Variants in CTNNA3 observed in about 807,000 individuals in gnomAD.
The protein encoded by CTNNA3 is catenin alpha-3.
A neutral mutation model predicts 95.7 loss-of-function variants in CTNNA3; 76 were observed. That is an observed-to-expected ratio of 0.79 (90% confidence interval 0.66 to 0.96). The LOEUF (loss-of-function observed/expected upper bound fraction) is 0.96. Among genes scored for constraint, CTNNA3 ranks in the 40% least tolerant of loss-of-function variants. CTNNA3 has a pLI of 0.00. For missense variants in CTNNA3, 1,191 were observed against 1,089.8 expected (o/e 1.09, Z -1.31); for synonymous variants, 431 against 374.4 (o/e 1.15, Z -1.74).
At chr10:65,931,561 C>T (rs982442194) in intron 17 of CTNNA3, among the ~76,000 whole-genome samples, 1 of 151,546 alleles carries the variant, frequency 6.6e-6, no homozygotes, top group Non-Finnish European at 1.5e-5. Context: ...TGTAAAAATG[C>T]ACCCTGAGGA....
chr10:66,971,357 C>T lies in CTNNA3; in HGVS notation c.1048-195833G>A, dbSNP rs529859649. On this transcript the variant is annotated intron_variant, in intron 7 of 17. Transcript: ENST00000433211. ...AGAAGAATCGCTTGAACCCGGGAGG[C>T]GGAGGTTGCAGTGAGCCGAGATCGT... 1.6e-4 allele frequency among the ~76,000 whole-genome samples: 25 copies of T among 152,114 alleles called. No individual in the cohort carries two copies. In the East Asian group the frequency reaches 3.5e-3, roughly 21 times the overall value.
rs148483502 is a variant in CTNNA3, at chr10:67,342,483, C to A, written c.580-122613G>T. Among the ~76,000 whole-genome samples, 258 of 152,256 alleles carry A rather than the reference C, an allele frequency of 1.7e-3. 2 individuals are homozygous for A. Among genetic ancestry groups the A allele is most frequent in the African/African-American group, 5.8e-3 (239 of 41,560 alleles). On this transcript the variant is annotated intron_variant, in intron 5 of 17. Transcript: ENST00000433211. ...TCCTGTTTTGTTTTAGGTGCCTGTG[C>A]TTGTGGGGTGTTACTCAAGGAATCT... is the stretch of plus-strand genomic sequence containing the variant.
chr10:66,380,169 G>C (rs1432857765), intron 11 of CTNNA3, among the ~76,000 whole-genome samples: 1 of 150,678 alleles, frequency 6.6e-6, no homozygotes, highest in African/African-American at 2.5e-5. Flanking sequence ...CTCTTTTTTT[G>C]TCCCTCTCAC....
chr10:66,370,038 T>C (rs1419848095), intron 12 of CTNNA3, among the ~76,000 whole-genome samples: 1 of 152,032 alleles, frequency 6.6e-6, no homozygotes, highest in Non-Finnish European at 1.5e-5. Context: ...ACCAATTACT[T>C]ACCACCAGGG....
intron 12 of CTNNA3, among the ~76,000 whole-genome samples, chr10:66,288,197 A>C (rs1016157994): frequency 6.6e-6 from 1 of 152,242 alleles, no homozygotes; most frequent in Admixed American, 6.6e-5. Flanking sequence ...CTATCTTCAC[A>C]CACATTTTTA....
In CTNNA3 at chr10:66,429,909, C is replaced by T. The variant is rs879223771; in HGVS notation, c.1532-50557G>A. On this transcript the variant is annotated intron_variant, in intron 11 of 17. Transcript: ENST00000433211. Reference sequence around the variant, plus strand: ...TGTTGGAAGTTCTGGCCAGGGCAATCAGGCAGGAGAAGGAAATAAAGGGTA... The same window carrying T: ...TGTTGGAAGTTCTGGCCAGGGCAATTAGGCAGGAGAAGGAAATAAAGGGTA... 2.0e-5 allele frequency among the ~76,000 whole-genome samples: 3 copies of T among 151,732 alleles called. No individual in the cohort carries two copies. In the East Asian group the frequency reaches 5.8e-4, roughly 29 times the overall value.
At chr10:66,269,267 C>T (rs2091225787) in intron 13 of CTNNA3, among the ~76,000 whole-genome samples, 1 of 152,114 alleles carries the variant, frequency 6.6e-6, no homozygotes, top group South Asian at 2.1e-4. Flanking sequence ...AAGACGGAGG[C>T]AAACCTAAAA....
intron 5 of CTNNA3, among the ~76,000 whole-genome samples, chr10:67,336,185 C>T (rs1441344973): frequency 1.3e-5 from 2 of 152,174 alleles, no homozygotes; most frequent in Non-Finnish European, 2.9e-5. Context: ...CTCTCCTTCT[C>T]CTAGGGCTTT....
chr10:66,353,070 G>A (rs1474108922), intron 12 of CTNNA3, among the ~76,000 whole-genome samples: 2 of 151,930 alleles, frequency 1.3e-5, no homozygotes, highest in Non-Finnish European at 2.9e-5. Flanking sequence ...TGATTTTAAA[G>A]GTAGCCGGTT....
intron 7 of CTNNA3, among the ~76,000 whole-genome samples, chr10:66,831,384 C>T (rs1448259860): frequency 6.6e-6 from 1 of 152,116 alleles, no homozygotes; most frequent in East Asian, 1.9e-4. Context: ...TATGCTTTTT[C>T]CCATCTCAAG....
At chr10:67,095,503 C>T (rs1857934275) in intron 7 of CTNNA3, among the ~76,000 whole-genome samples, 2 of 151,732 alleles carry the variant, frequency 1.3e-5, no homozygotes, top group African/African-American at 4.8e-5. Context: ...CAAATTAGGA[C>T]TTGCACTCTG....
intron 9 of CTNNA3, among the ~76,000 whole-genome samples, chr10:66,716,603 T>C (rs142744644): frequency 7.2e-5 from 11 of 152,246 alleles, no homozygotes; most frequent in Admixed American, 3.3e-4. Flanking sequence ...TAGGCCAGAA[T>C]TGAGGCAACA....
chr10:66,158,488 T>C (rs1269393330), intron 13 of CTNNA3, among the ~76,000 whole-genome samples: 7 of 152,170 alleles, frequency 4.6e-5, no homozygotes, highest in Non-Finnish European at 1.0e-4. Context: ...GGGTTCTCTA[T>C]TCTGTTCCAT....
At chr10:66,949,497 G>A (rs926512666) in intron 7 of CTNNA3, among the ~76,000 whole-genome samples, 1 of 151,836 alleles carries the variant, frequency 6.6e-6, no homozygotes, top group South Asian at 2.1e-4. Context: ...GGCGGAGGTT[G>A]CAGTGAGCCA....
chr10:66,120,834 A>G (rs2082543230), intron 13 of CTNNA3, among the ~76,000 whole-genome samples: 1 of 152,210 alleles, frequency 6.6e-6, no homozygotes. Flanking sequence ...CAAAAAGGAA[A>G]GTCCAAAGAG....
intron 7 of CTNNA3, among the ~76,000 whole-genome samples, chr10:67,126,288 G>A (rs1859716313): frequency 6.6e-6 from 1 of 152,190 alleles, no homozygotes; most frequent in Admixed American, 6.5e-5. Context: ...CAGCACTTTG[G>A]GAGGCCAAGG....
chr10:66,566,689 C>T (rs1412027506), intron 10 of CTNNA3, among the ~76,000 whole-genome samples: 1 of 151,968 alleles, frequency 6.6e-6, no homozygotes, highest in Non-Finnish European at 1.5e-5. Context: ...AGAGGCAACC[C>T]CTGCTACTAG....
At chr10:66,537,117 T>C (rs946667304) in intron 10 of CTNNA3, among the ~76,000 whole-genome samples, 1 of 152,052 alleles carries the variant, frequency 6.6e-6, no homozygotes, top group African/African-American at 2.4e-5. Context: ...TATGGCAGAA[T>C]TTTTTCTGTC....
At chr10:67,601,208 T>A (rs1843073163) in intron 3 of CTNNA3, among the ~76,000 whole-genome samples, 1 of 152,184 alleles carries the variant, frequency 6.6e-6, no homozygotes, top group Admixed American at 6.5e-5. Context: ...CTTGTGTGGC[T>A]TAGAACAGTT....
Sources: gnomAD v4.1 joint callset for allele counts (sites outside exome capture counted in the v4.1 genomes callset) on GRCh38, gnomAD v4.1.1 for gene constraint, MANE v1.5 for transcripts, NCBI Gene and HGNC (gene_info 2026-07-23, HGNC 2026-07-21) for gene names.